The following CHD7 variants were observed in gnomAD, a reference collection of about 807,000 sequenced individuals.
CHD7 encodes ATP-dependent chromatin remodeler CHD7.
A neutral mutation model predicts 307.3 loss-of-function variants in CHD7; 24 were observed. The ratio of observed to expected loss-of-function variants is 0.08; its 90% CI spans 0.06 to 0.11. The LOEUF is 0.11. Among genes scored for constraint, CHD7 ranks in the 10% least tolerant of loss-of-function variants. The probability of loss-of-function intolerance (pLI) is 1.00; values close to 1 mark genes in which losing one functional copy is unlikely to be tolerated. For synonymous variants in CHD7, 1,363 were observed against 1,349.9 expected (o/e 1.01, Z -0.21); for missense variants, 3,106 against 3,727.1 (o/e 0.83, Z 4.34).
At chr8:60,800,191 C>T (rs1046461754) in intron 4 of CHD7, among the ~76,000 whole-genome samples, 197 bp from the exon 5 acceptor site, 13 of 152,144 alleles carry the variant, frequency 8.5e-5, no homozygotes, top group South Asian at 2.1e-4. Context: ...CCACCACGCC[C>T]GGCTAATTTT....
At chr8:60,817,597 T>G (rs7813054) in intron 8 of CHD7, among the ~76,000 whole-genome samples, 150,071 of 152,322 alleles carry the variant, frequency 0.99, 73,930 homozygotes, top group East Asian at 1. Flanking sequence ...CAGTGCAGTG[T>G]TTAGGACCGA....
rs1369540870 is a variant in CHD7 at position 60,852,481 on chromosome 8, TATA to T, written c.5895-14_5895-12del. On this transcript the variant is annotated splice_polypyrimidine_tract_variant and intron_variant, in intron 29 of 37. Coordinates refer to ENST00000423902, the MANE Select transcript of CHD7 (RefSeq NM_017780.4). ...TTTCCTGAAGTATGATGCAAGCTAA[TATA>T]ATCTTTCTAACAGGTGGACAAGAAG... The T allele has an allele frequency of 6.2e-7, 1 of 1,602,310 alleles. No individual in the cohort carries two copies. Among genetic ancestry groups the T allele is most frequent in the Non-Finnish European group, 8.5e-7 (1 of 1,170,294 alleles).
In CHD7 at chr8:60,742,876, G is replaced by T. The variant is rs767518147; in HGVS notation, c.1444G>T (p.Gly482Cys). 12 of 1,612,134 alleles carry T rather than the reference G, an allele frequency of 7.4e-6. No individual in the cohort carries two copies. Among genetic ancestry groups the T allele is most frequent in the Non-Finnish European group, 2.5e-6 (3 of 1,179,014 alleles). The change falls in exon 2 of 38, where the codon GGT becomes TGT. Residue 482 changes from glycine (G) to cysteine (C), a missense_variant. Physicochemically the swap from Gly to Cys is radical, Grantham distance 159 (BLOSUM62 -3). Transcript: ENST00000423902. ...TGHMRPNGCP[G>C]VGLGDPQAIQ... ...GCACATGAGGCCAAATGGTTGTCCTGGTGTTGGCCTTGGAGACCCACAAGC... is the reference window on the plus strand; with the variant it reads ...GCACATGAGGCCAAATGGTTGTCCTTGTGTTGGCCTTGGAGACCCACAAGC...
intron 2 of CHD7, among the ~76,000 whole-genome samples, chr8:60,772,986 C>CA (rs1810782305): frequency 1.3e-5 from 2 of 152,162 alleles, no homozygotes; most frequent in African/African-American, 4.8e-5. Context: ...GGAGACCCTG[C>CA]GTTTTGTTGG....
At chr8:60,722,321 T>C (rs747527120) in intron 1 of CHD7, among the ~76,000 whole-genome samples, 22 of 152,222 alleles carry the variant, frequency 1.4e-4, no homozygotes, top group Admixed American at 5.2e-4. Context: ...TGGGTACGAT[T>C]GTGGTCATGC....
At chr8:60,820,147 A>C in intron 9 of CHD7, 57 bp downstream of exon 9, 1 of 1,125,644 alleles carries the variant, frequency 8.9e-7, no homozygotes, top group Non-Finnish European at 1.3e-6. Context: ...ATACATGTTT[A>C]TAGAGAAGAT....
chr8:60,852,874 G>A lies in CHD7; in HGVS notation c.6149G>A (p.Arg2050Gln). 1 of 1,613,892 alleles carries A rather than the reference G, an allele frequency of 6.2e-7. No individual in the cohort carries two copies. The highest frequency in any genetic ancestry group is 8.5e-7 in the Non-Finnish European group (1 of 1,179,832). Residue 2050 changes from arginine (R) to glutamine (Q), a missense_variant, in exon 31 of 38, where the codon CGA (arginine) becomes CAA (glutamine). Arg to Gln is a conservative substitution (Grantham distance 43). Transcript: ENST00000423902. ...SSIIEPITEERASRTLYRIEL... is the reference protein window; with the variant it reads ...SSIIEPITEEQASRTLYRIEL... ...ATAATTGAGCCGATCACAGAGGAGC[G>A]AGCCTCTCGAACTCTGTACCGCATT...
chr8:60,856,244 C>T (rs777849012), intron 33 of CHD7, 42 bp downstream of exon 33: 2 of 1,452,346 alleles, frequency 1.4e-6, no homozygotes, highest in South Asian at 1.3e-5. Context: ...AAAGGGAGCT[C>T]TCTAAGCCTT....
At chr8:60,751,617 G>GA (rs1297472103) in intron 2 of CHD7, among the ~76,000 whole-genome samples, 18 of 152,336 alleles carry the variant, frequency 1.2e-4, no homozygotes, top group African/African-American at 3.8e-4. Context: ...TATCAGTGAA[G>GA]AAAGTCAGTA....
At chr8:60,831,624 G>A (rs528458406) in intron 15 of CHD7, among the ~76,000 whole-genome samples, 1 of 151,880 alleles carries the variant, frequency 6.6e-6, no homozygotes, top group South Asian at 2.1e-4. Context: ...GCATAAAAAG[G>A]ATGGGAGGAG....
At chr8:60,838,568 C>T (rs1804838989) in intron 19 of CHD7, among the ~76,000 whole-genome samples, 1 of 152,198 alleles carries the variant, frequency 6.6e-6, no homozygotes, top group South Asian at 2.1e-4. Flanking sequence ...TTCCTTCTCT[C>T]CCCAGATCCT....
In CHD7 at chr8:60,741,468, G is replaced by T. The variant is rs1809003344; in HGVS notation, c.36G>T (p.Glu12Asp). The T allele has an allele frequency of 6.2e-7, 1 of 1,610,734 alleles. No homozygotes were observed. The highest frequency in any genetic ancestry group is 8.5e-7 in the Non-Finnish European group (1 of 1,178,370). Residue 12 changes from glutamate (E) to aspartate (D), a missense_variant, in exon 2 of 38, where the codon GAG (glutamate) becomes GAT (aspartate). Glu to Asp is a conservative substitution (Grantham distance 45). Around this residue, in one of 10 missense-constraint regions of CHD7, gnomAD observed 998 missense variants for 1,004.5 expected, o/e 0.99. Coordinates refer to ENST00000423902, the MANE Select transcript of CHD7 (RefSeq NM_017780.4). ...CAGGAATGATGAGTCTTTTTGGCGAGGATGGGAATATTTTCAGTGAAGGTC... is the reference window on the plus strand; with the variant it reads ...CAGGAATGATGAGTCTTTTTGGCGATGATGGGAATATTTTCAGTGAAGGTC... ...ADPGMMSLFGEDGNIFSEGLE... is the reference protein window; with the variant it reads ...ADPGMMSLFGDDGNIFSEGLE...
In CHD7 at chr8:60,856,993, A is replaced by G; in HGVS notation, c.7608+105A>G. The G allele has an allele frequency of 6.1e-6, 6 of 988,882 alleles. No homozygotes were observed. In the South Asian group the frequency reaches 1.2e-4, roughly 19 times the overall value. The allele number at this position is 988,882 out of a possible 1,614,324, so 61.3% of individuals were successfully genotyped here. On this transcript the variant is annotated intron_variant, in intron 34 of 37. Transcript: ENST00000423902. ...TGTTTCTCTCAGCAGCATTGTATGA[A>G]AGCCAGCTTCCTCCACTAAAGAAAT...
In CHD7 at chr8:60,856,140, A is replaced by C; in HGVS notation, c.7102A>C (p.Met2368Leu). The change falls in exon 33 of 38, where the codon ATG (methionine) becomes CTG (leucine). Residue 2368 changes from methionine to leucine, a missense_variant. Met to Leu is a conservative substitution (Grantham distance 15, BLOSUM62 2). Around this residue, in one of 10 missense-constraint regions of CHD7, gnomAD observed 1,030 missense variants for 1,165.4 expected, o/e 0.88. Transcript: ENST00000423902. The stretch of plus-strand genomic sequence containing the variant: ...GAAGAGGAGCTTTGCTGAGCTCTCC[A>C]TGGTCGGCCAAGCCAGCATTAGTGG... Reference protein sequence around the residue: ...LQKRSFAELSMVGQASISGSE... With the variant: ...LQKRSFAELSLVGQASISGSE... 1.2e-6 allele frequency: 2 copies of C among 1,608,654 alleles called. No individual in the cohort carries two copies. The highest frequency in any genetic ancestry group is 2.2e-5 in the South Asian group (2 of 89,856).
rs41312170 is a variant in CHD7 at position 60,852,836 on chromosome 8, C to T, written c.6111C>T (p.Pro2037=). The change falls in exon 31 of 38, where the codon CCC becomes CCT. Residue 2037 remains proline, a synonymous_variant. Transcript: ENST00000423902. The part of the protein sequence containing the change: ...RMPVKPDDEP[P]DLSSIIEPIT... ...AGCCCTTCTGTGTTACAGAACCGCC[C>T]GACCTCTCCTCCATAATTGAGCCGA... The T allele has an allele frequency of 7.6e-3, 12,219 of 1,611,818 alleles. 70 individuals are homozygous for T. The highest frequency in any genetic ancestry group is 9.6e-3 in the Middle Eastern group (58 of 6,058).
intron 3 of CHD7, among the ~76,000 whole-genome samples, chr8:60,790,252 C>T (rs1811705645): frequency 6.6e-6 from 1 of 152,068 alleles, no homozygotes; most frequent in Admixed American, 6.6e-5. Flanking sequence ...CTCCGTGTCT[C>T]TTTAGCCTCA....
chr8:60,743,817 A>ATGCCC (rs1356247279), intron 2 of CHD7, among the ~76,000 whole-genome samples: 1 of 152,220 alleles, frequency 6.6e-6, no homozygotes, highest in African/African-American at 2.4e-5. Flanking sequence ...TTTGTTGTTT[A>ATGCCC]TGCCCTAGGT....
chr8:60,700,282 TCA>T (rs1806696708), intron 1 of CHD7, among the ~76,000 whole-genome samples: 1 of 152,226 alleles, frequency 6.6e-6, no homozygotes, highest in Admixed American at 6.5e-5. Context: ...CTTTTCACCT[TCA>T]CAAAATGTTA....
chr8:60,820,102 T>C lies in CHD7; in HGVS notation c.2697+12T>C, dbSNP rs375096665. On this transcript the variant is annotated intron_variant, in intron 9 of 37. Coordinates refer to ENST00000423902, the MANE Select transcript of CHD7 (RefSeq NM_017780.4). ...ATGACCGGGGAGAGGTAACAGGAGA[T>C]CATTTGTATTACAAAGTGGTGATTC... is the stretch of plus-strand genomic sequence containing the variant. 5.7e-6 allele frequency: 9 copies of C among 1,572,562 alleles called. No individual in the cohort carries two copies. The highest frequency in any genetic ancestry group is 7.8e-6 in the Non-Finnish European group (9 of 1,147,400).
Sources: gnomAD v4.1 joint callset for allele counts (sites outside exome capture counted in the v4.1 genomes callset) on GRCh38, gnomAD v4.1.1 for gene constraint, gnomAD v4.1.1 regional missense constraint, MANE v1.5 for transcripts, NCBI Gene and HGNC (gene_info 2026-07-23, HGNC 2026-07-21) for gene names.